Variants in NBEA observed in about 807,000 individuals in gnomAD.
NBEA encodes the protein neurobeachin.
In NBEA, 44 loss-of-function variants were observed where a neutral mutation model predicts 343.4. The observed-to-expected ratio is 0.13, with a 90% CI of 0.10 to 0.16. The LOEUF is 0.16. Ranked by LOEUF, NBEA falls within the 10% of genes least tolerant of loss-of-function variation. The probability of loss-of-function intolerance (pLI) is 1.00; values close to 1 mark genes in which losing one functional copy is unlikely to be tolerated. For missense variants in NBEA, 2,555 were observed against 3,631.3 expected (o/e 0.70, Z 7.62); for synonymous variants, 1,175 against 1,238.7 (o/e 0.95, Z 1.08).
intron 53 of NBEA, 143 bp downstream of exon 53, chr13:35,652,019 G>A (rs1254565896): frequency 1.6e-6 from 1 of 619,350 alleles, no homozygotes; most frequent in Non-Finnish European, 2.9e-6. Context: ...AAGGAGCTGT[G>A]TAAATCATAA....
At chr13:35,439,344 T>G (rs117148985) in intron 39 of NBEA, among the ~76,000 whole-genome samples, 6,258 of 152,318 alleles carry the variant, frequency 0.041, 185 homozygotes, top group Non-Finnish European at 0.059. Context: ...GGAGAGACAG[T>G]GACTTACTGA....
intron 41 of NBEA, among the ~76,000 whole-genome samples, chr13:35,483,593 G>A (rs974495345): frequency 3.9e-5 from 6 of 151,998 alleles, no homozygotes; most frequent in African/African-American, 1.4e-4. Context: ...TGAAGACATT[G>A]ATAATGATGC....
chr13:35,061,250 A>G (rs1465458705), intron 8 of NBEA, among the ~76,000 whole-genome samples: 1 of 151,660 alleles, frequency 6.6e-6, no homozygotes, highest in Non-Finnish European at 1.5e-5. Flanking sequence ...GTACTTGGTT[A>G]TTTTCTGGAA....
chr13:35,255,576 A>C (rs1221466960), intron 34 of NBEA, among the ~76,000 whole-genome samples: 1 of 152,230 alleles, frequency 6.6e-6, no homozygotes, highest in Admixed American at 6.5e-5. Flanking sequence ...CTGCAGCTAG[A>C]TCAGGTGCAT....
intron 41 of NBEA, among the ~76,000 whole-genome samples, chr13:35,516,384 T>C (rs1483417018): frequency 2.0e-5 from 3 of 152,150 alleles, no homozygotes. Flanking sequence ...GTATATACCA[T>C]CTAGTAATGC....
intron 10 of NBEA, among the ~76,000 whole-genome samples, chr13:35,076,001 T>G (rs1016941093): frequency 6.6e-6 from 1 of 151,934 alleles, no homozygotes; most frequent in African/African-American, 2.4e-5. Flanking sequence ...TAATCTGACT[T>G]AAAAATAATA....
intron 34 of NBEA, chr13:35,251,141 GT>G (rs1327688358): frequency 8.9e-6 from 2 of 225,430 alleles, no homozygotes; most frequent in Admixed American, 8.9e-5. Context: ...GCACAGAGCT[GT>G]TTTCTTTGAC....
rs373506693 is a variant in NBEA at position 35,628,339 on chromosome 13, T to A, written c.7617+91T>A. On this transcript the variant is annotated intron_variant, in intron 49 of 58. Transcript: ENST00000379939. ...CATCTCTTTCTGTATAATTTTGTTT[T>A]CAACATAACTTCTTACAAAACAGAT... 7 of 1,000,848 alleles carry A rather than the reference T, an allele frequency of 7.0e-6. No homozygotes were observed. In the East Asian group the frequency reaches 1.1e-4, roughly 16 times the overall value. The allele number at this position is 1,000,848 out of a possible 1,614,324, so 62.0% of individuals were successfully genotyped here.
chr13:34,968,894 G>GTTAATATCAATTGATTATTAATGTGTT (rs146063051), intron 1 of NBEA, among the ~76,000 whole-genome samples: 11,186 of 151,140 alleles, frequency 0.074, 520 homozygotes, highest in African/African-American at 0.11. Flanking sequence ...TCAATTGATT[G>GTTAATATCAATTGATTATTAATGTGTT]TTAATATCAA....
At chr13:35,085,969 C>G (rs1593295084) in intron 10 of NBEA, among the ~76,000 whole-genome samples, 1 of 152,126 alleles carries the variant, frequency 6.6e-6, no homozygotes, top group South Asian at 2.1e-4. Context: ...TGAGTGAACT[C>G]CCATTCACAA....
At chr13:35,370,864 C>T (rs1359172589) in intron 38 of NBEA, among the ~76,000 whole-genome samples, 2 of 151,354 alleles carry the variant, frequency 1.3e-5, no homozygotes, top group Non-Finnish European at 2.9e-5. Flanking sequence ...ATTTCTCCTC[C>T]ATTTATAAAG....
chr13:35,594,059 A>C (rs893150520), intron 47 of NBEA, among the ~76,000 whole-genome samples: 2 of 152,114 alleles, frequency 1.3e-5, no homozygotes, highest in African/African-American at 4.8e-5. Flanking sequence ...ATTCATTTAT[A>C]TGGGCTCCTA....
At chr13:35,048,433 A>T (rs1305850665) in intron 4 of NBEA, 130 bp from the exon 5 acceptor site, 6 of 790,284 alleles carry the variant, frequency 7.6e-6, no homozygotes, top group Non-Finnish European at 1.2e-5. Flanking sequence ...CTCTTATTTT[A>T]TGGATTTGTT....
intron 46 of NBEA, 129 bp from the exon 47 acceptor site, chr13:35,593,199 G>C: frequency 1.0e-6 from 1 of 963,838 alleles, no homozygotes; most frequent in Non-Finnish European, 1.5e-6. Flanking sequence ...CCTTAATTTG[G>C]GGGCATCTTT....
intron 36 of NBEA, among the ~76,000 whole-genome samples, chr13:35,328,977 G>C (rs182263245): frequency 1.3e-3 from 200 of 152,038 alleles, no homozygotes; most frequent in African/African-American, 4.7e-3. Context: ...GAAGGAAATA[G>C]AGAATCCAGA....
Position 35,624,097 on chromosome 13 carries a change from T to C in NBEA, c.7450-3984T>C, listed in dbSNP as rs116178713. On this transcript the variant is annotated intron_variant, in intron 48 of 58. Coordinates refer to ENST00000379939, the MANE Select transcript of NBEA (RefSeq NM_001385012.1). The stretch of plus-strand genomic sequence containing the variant: ...GTGTGTGTGAGAATTGCATCAGGAC[T>C]AAGTAGAGTTTAACCCTTAAGATCA... 9.5e-3 allele frequency among the ~76,000 whole-genome samples: 1,438 copies of C among 151,746 alleles called. 25 individuals are homozygous for C. The highest frequency in any genetic ancestry group is 0.033 in the African/African-American group (1,383 of 41,406).
At chr13:35,572,811 A>G (rs1020910366) in intron 45 of NBEA, among the ~76,000 whole-genome samples, 3 of 152,036 alleles carry the variant, frequency 2.0e-5, no homozygotes, top group African/African-American at 7.3e-5. Flanking sequence ...TTGGCTCACT[A>G]CAATCTCAAC....
At chr13:35,392,865 C>T (rs2042571465) in intron 38 of NBEA, among the ~76,000 whole-genome samples, 1 of 152,166 alleles carries the variant, frequency 6.6e-6, no homozygotes, top group Non-Finnish European at 1.5e-5. Context: ...AAGTTAAAAA[C>T]TCAGTTGAGT....
chr13:35,296,715 TACA>T (rs1594112995), intron 35 of NBEA, among the ~76,000 whole-genome samples: 1 of 152,038 alleles, frequency 6.6e-6, no homozygotes, highest in African/African-American at 2.4e-5. Flanking sequence ...TCAGACAAAT[TACA>T]ACAACTTTGA....
Sources: allele counts gnomAD v4.1 joint callset (sites outside exome capture counted in the v4.1 genomes callset), GRCh38; gene constraint gnomAD v4.1.1; transcripts MANE v1.5; gene names NCBI Gene and HGNC (gene_info 2026-07-23, HGNC 2026-07-21).